Variants in CCDC149 observed in about 807,000 individuals in gnomAD.
CCDC149 encodes the protein coiled-coil domain containing 149, also known as coiled-coil domain-containing protein 149.
A neutral mutation model predicts 59.9 loss-of-function variants in CCDC149; 45 were observed. That is an observed-to-expected ratio of 0.75 (90% CI 0.59 to 0.96). The LOEUF (loss-of-function observed/expected upper bound fraction) is 0.96. Ranked by LOEUF, CCDC149 falls within the 40% of genes least tolerant of loss-of-function variation. The pLI is 0.00. For missense variants in CCDC149, 584 were observed against 664.7 expected (o/e 0.88, Z 1.33); for synonymous variants, 245 against 260.6 (o/e 0.94, Z 0.58).
At chr4:24,883,277 T>C (rs1719958776) in intron 1 of CCDC149, among the ~76,000 whole-genome samples, 1 of 152,148 alleles carries the variant, frequency 6.6e-6, no homozygotes, top group Admixed American at 6.5e-5. Context: ...GGGTAATTAT[T>C]GTTTCCTGAA....
chr4:24,891,716 T>C (rs938936030), intron 1 of CCDC149, among the ~76,000 whole-genome samples: 3 of 152,174 alleles, frequency 2.0e-5, no homozygotes, highest in Admixed American at 2.0e-4. Flanking sequence ...CAAAGAAAAT[T>C]TGCCAGGCAC....
intron 1 of CCDC149, among the ~76,000 whole-genome samples, chr4:24,928,665 C>T (rs1471893692): frequency 6.6e-6 from 1 of 152,156 alleles, no homozygotes; most frequent in Non-Finnish European, 1.5e-5. Flanking sequence ...GCTTGGAATG[C>T]TCTTCCAGAA....
intron 1 of CCDC149, among the ~76,000 whole-genome samples, chr4:24,926,623 T>C (rs1286863829): frequency 6.6e-6 from 1 of 152,220 alleles, no homozygotes; most frequent in African/African-American, 2.4e-5. Context: ...CTGATTCTGT[T>C]CCTATTGCTT....
At chr4:24,934,210 A>G (rs1393970349) in intron 1 of CCDC149, among the ~76,000 whole-genome samples, 2 of 152,102 alleles carry the variant, frequency 1.3e-5, no homozygotes, top group African/African-American at 4.8e-5. Context: ...TGTGGGAGAG[A>G]CCCAGTGGGA....
intron 1 of CCDC149, among the ~76,000 whole-genome samples, chr4:24,896,613 C>CT (rs142413399): frequency 1.4e-4 from 21 of 151,514 alleles, no homozygotes; most frequent in Non-Finnish European, 2.7e-4. Context: ...CTCTGCCTGG[C>CT]TTTTTTCAAG....
At chr4:24,886,127 G>A (rs1480227842) in intron 1 of CCDC149, among the ~76,000 whole-genome samples, 1 of 152,180 alleles carries the variant, frequency 6.6e-6, no homozygotes, top group Non-Finnish European at 1.5e-5. Context: ...TGTTACCTGG[G>A]TATATCAATT....
chr4:24,965,730 C>A (rs4697508), intron 1 of CCDC149, among the ~76,000 whole-genome samples: 114,745 of 152,160 alleles, frequency 0.75, 43,487 homozygotes, highest in African/African-American at 0.79. Flanking sequence ...TTGAGAAACT[C>A]GAAAAACAAG....
chr4:24,852,555 T>C (rs536931778), intron 4 of CCDC149, among the ~76,000 whole-genome samples: 4 of 152,338 alleles, frequency 2.6e-5, no homozygotes, highest in African/African-American at 9.6e-5. Flanking sequence ...TCATATTTTA[T>C]AATTAACGTT....
chr4:24,894,422 T>C (rs1435180793), intron 1 of CCDC149, among the ~76,000 whole-genome samples: 1 of 152,098 alleles, frequency 6.6e-6, no homozygotes, highest in East Asian at 1.9e-4. Context: ...GCCTACATAA[T>C]CAAGACTCAG....
chr4:24,970,365 G>T (rs1035497898), intron 1 of CCDC149, among the ~76,000 whole-genome samples: 4 of 152,182 alleles, frequency 2.6e-5, no homozygotes, highest in African/African-American at 7.2e-5. Flanking sequence ...ACCTGTGGCT[G>T]ATGCCTGGAA....
chr4:24,894,102 T>A (rs992434588), intron 1 of CCDC149, among the ~76,000 whole-genome samples: 2 of 152,202 alleles, frequency 1.3e-5, no homozygotes, highest in Non-Finnish European at 1.5e-5. Context: ...TGTCTACTTA[T>A]CTTTTAGCTG....
intron 10 of CCDC149, among the ~76,000 whole-genome samples, chr4:24,822,128 T>C (rs1200802814): frequency 6.6e-6 from 1 of 152,164 alleles, no homozygotes; most frequent in African/African-American, 2.4e-5. Flanking sequence ...ATAATGAAAT[T>C]GAACAAATTG....
At chr4:24,917,956 G>C (rs961511492), upstream of CCDC149, among the ~76,000 whole-genome samples, 8 of 152,010 alleles carry the variant, frequency 5.3e-5, no homozygotes, top group African/African-American at 1.9e-4. Context: ...CCTGGACTTG[G>C]GGAGCTGAAA....
chr4:24,931,316 T>TATATATATATATATATAG (rs1205922073), intron 1 of CCDC149, among the ~76,000 whole-genome samples: 1 of 146,494 alleles, frequency 6.8e-6, no homozygotes, highest in Non-Finnish European at 1.5e-5. Context: ...TTAAAATATA[T>TATATATATATATATATAG]ATATATATAT....
At chr4:24,848,755 C>T (rs1717475966) in intron 4 of CCDC149, among the ~76,000 whole-genome samples, 1 of 152,032 alleles carries the variant, frequency 6.6e-6, no homozygotes, top group African/African-American at 2.4e-5. Flanking sequence ...GCAATAAGAA[C>T]CAATCTTCTA....
intron 1 of CCDC149, among the ~76,000 whole-genome samples, chr4:24,977,492 G>C (rs1724256123): frequency 6.6e-6 from 1 of 152,156 alleles, no homozygotes; most frequent in Non-Finnish European, 1.5e-5. Flanking sequence ...TCAAGTCTCT[G>C]TCATTTGTGG....
At position 24,853,271 on chromosome 4, in the gene CCDC149, C is replaced by A. The variant is rs1163957491; in HGVS notation, c.265-92G>T. On this transcript the variant is annotated intron_variant, in intron 3 of 12. Coordinates refer to ENST00000635206, the MANE Select transcript of CCDC149 (RefSeq NM_001330643.2). Reference sequence around the variant, plus strand: ...TGGGCTTGTGGATGCTGGTGTCTAACCCCAGTTGAACCACACAAAGCCCGT... The same window carrying A: ...TGGGCTTGTGGATGCTGGTGTCTAAACCCAGTTGAACCACACAAAGCCCGT... 51 of 939,526 alleles carry A rather than the reference C, an allele frequency of 5.4e-5. 1 individual carries two copies. Among genetic ancestry groups the A allele is most frequent in the Non-Finnish European group, 7.7e-5 (45 of 582,036 alleles). The allele number at this position is 939,526 out of a possible 1,614,324, so 58.2% of individuals were successfully genotyped here. A position where few individuals can be genotyped will look rare whatever the true frequency, so the allele number is the denominator to read the frequency against.
intron 1 of CCDC149, among the ~76,000 whole-genome samples, chr4:24,927,065 G>A (rs951956540): frequency 1.3e-5 from 2 of 152,180 alleles, no homozygotes; most frequent in African/African-American, 4.8e-5. Context: ...AGGTTACAAG[G>A]AAGTCCCAAG....
intron 1 of CCDC149, among the ~76,000 whole-genome samples, chr4:24,907,380 T>A (rs1721597545): frequency 6.6e-6 from 1 of 152,192 alleles, no homozygotes; most frequent in South Asian, 2.1e-4. Flanking sequence ...CTTGGGGATC[T>A]ACCCTAGCTC....
Sources: gnomAD v4.1 joint callset for allele counts (sites outside exome capture counted in the v4.1 genomes callset) on GRCh38, gnomAD v4.1.1 for gene constraint, MANE v1.5 for transcripts, NCBI Gene and HGNC (gene_info 2026-07-23, HGNC 2026-07-21) for gene names.